The following RIC8B variants were observed in gnomAD, a reference collection of about 807,000 sequenced individuals.
RIC8B encodes RIC8 guanine nucleotide exchange factor B.
In RIC8B, 16 loss-of-function variants were observed where a neutral mutation model predicts 57.5. The observed-to-expected ratio is 0.28, with a 90% confidence interval of 0.19 to 0.42. The LOEUF is 0.42. RIC8B is among the 10% of genes least tolerant of loss of function. RIC8B has a pLI of 1.00. For synonymous variants in RIC8B, 216 were observed against 250.8 expected (o/e 0.86, Z 1.31); for missense variants, 481 against 677.0 (o/e 0.71, Z 3.21).
chr12:106,802,729 T>A (rs2044793529), intron 2 of RIC8B, among the ~76,000 whole-genome samples: 1 of 152,040 alleles, frequency 6.6e-6, no homozygotes, highest in Admixed American at 6.6e-5. Context: ...TAAAAGAGAG[T>A]AGGACTGAGT....
At chr12:106,826,646 C>T (rs938138206) in intron 4 of RIC8B, among the ~76,000 whole-genome samples, 4 of 152,142 alleles carry the variant, frequency 2.6e-5, no homozygotes, top group Non-Finnish European at 5.9e-5. Context: ...ATCCTAGCTA[C>T]TCGGGAAGCC....
At chr12:106,846,487 C>T (rs780697770) in intron 6 of RIC8B, among the ~76,000 whole-genome samples, 1 of 152,044 alleles carries the variant, frequency 6.6e-6, no homozygotes, top group South Asian at 2.1e-4. Flanking sequence ...GAGGAATTTA[C>T]AGTCTGTTGA....
At chr12:106,874,385 C>G in intron 9 of RIC8B, 1 of 924,932 alleles carries the variant, frequency 1.1e-6, no homozygotes, top group East Asian at 2.6e-5. Flanking sequence ...TGGTTTTCTC[C>G]TGCACCTGAA....
intron 4 of RIC8B, among the ~76,000 whole-genome samples, chr12:106,831,098 A>G (rs896049680): frequency 2.2e-4 from 33 of 151,974 alleles, no homozygotes; most frequent in Admixed American, 6.6e-4. Flanking sequence ...CTCTATTCTA[A>G]AACATTTGTT....
At chr12:106,781,857 C>T (rs1457855867) in intron 1 of RIC8B, among the ~76,000 whole-genome samples, 4 of 152,094 alleles carry the variant, frequency 2.6e-5, no homozygotes, top group South Asian at 2.1e-4. Flanking sequence ...TTTCTTAGTG[C>T]GATTATTTTC....
chr12:106,774,980 C>A (rs2043383567), intron 1 of RIC8B, 151 bp downstream of exon 1: 1 of 627,164 alleles, frequency 1.6e-6, no homozygotes, highest in Non-Finnish European at 2.8e-6. Context: ...TGTTTGTGCC[C>A]CCAGCCTTTT....
At chr12:106,794,206 T>G (rs1187247464) in intron 2 of RIC8B, among the ~76,000 whole-genome samples, 2 of 152,084 alleles carry the variant, frequency 1.3e-5, no homozygotes, top group East Asian at 3.9e-4. Flanking sequence ...AGATTTGAAC[T>G]GGCAGAAGAA....
intron 4 of RIC8B, among the ~76,000 whole-genome samples, chr12:106,826,519 C>G (rs749917453): frequency 4.0e-5 from 6 of 151,818 alleles, no homozygotes; most frequent in Non-Finnish European, 7.4e-5. Flanking sequence ...TTTGGGAGTC[C>G]AAGGCCGGTG....
intron 9 of RIC8B, chr12:106,873,045 T>C (rs1402376116): frequency 4.1e-6 from 4 of 985,282 alleles, no homozygotes; most frequent in Non-Finnish European, 3.6e-6. Flanking sequence ...AATCCACATA[T>C]TCTAGAAGCT....
chr12:106,836,607 G>A (rs145701251), intron 4 of RIC8B, among the ~76,000 whole-genome samples: 126 of 152,176 alleles, frequency 8.3e-4, no homozygotes, highest in African/African-American at 3.0e-3. Flanking sequence ...ATTATGTATC[G>A]AATGAACCAC....
At chr12:106,849,112 C>T (rs1443228902) in intron 6 of RIC8B, among the ~76,000 whole-genome samples, 3 of 151,878 alleles carry the variant, frequency 2.0e-5, no homozygotes, top group East Asian at 3.9e-4. Context: ...TTAAAAACAG[C>T]TAAAAGAGTG....
chr12:106,885,883 CTCTT>C lies in RIC8B; in HGVS notation c.1572-19_1572-16del, dbSNP rs1292292805. The C allele has an allele frequency of 2.0e-6, 3 of 1,513,112 alleles. No homozygotes were observed. The highest frequency in any genetic ancestry group is 2.8e-6 in the Non-Finnish European group (3 of 1,090,294). 93.7% of individuals were successfully genotyped at this position (1,513,112 alleles called of 1,614,324 possible). ...TGCTGGTGAATACTTTTTTTTCTCTCTCTTTTATCTCTTTTTCTAGAGAGGAGTT... is the reference window on the plus strand; with the variant it reads ...TGCTGGTGAATACTTTTTTTTCTCTCTTATCTCTTTTTCTAGAGAGGAGTT... On this transcript the variant is annotated splice_polypyrimidine_tract_variant and intron_variant, in intron 9 of 9. Coordinates refer to ENST00000392837, the MANE Select transcript of RIC8B (RefSeq NM_001330145.2).
intron 2 of RIC8B, chr12:106,797,901 G>C (rs111753314): frequency 3.6e-6 from 2 of 563,028 alleles, no homozygotes; most frequent in Non-Finnish European, 6.4e-6. Flanking sequence ...GTGCTACACC[G>C]TACTGCCGCT....
At position 106,842,774 on chromosome 12, in the gene RIC8B, C is replaced by T; in HGVS notation, c.1022C>T (p.Ala341Val). Residue 341 changes from alanine to valine, a missense_variant, in exon 5 of 10, where the codon GCC becomes GTC. Coordinates refer to ENST00000392837, the MANE Select transcript of RIC8B (RefSeq NM_001330145.2). ...GTATACAATGGTATGAATATGGAGG[C>T]CATTCATGTTTTACTGAATTTTATG... ...TMVYNGMNME[A>V]IHVLLNFMEK... The T allele has an allele frequency of 6.2e-7, 1 of 1,612,922 alleles. No individual in the cohort carries two copies.
rs201813681 is a variant in RIC8B at position 106,774,978 on chromosome 12, C to G, written c.84+149C>G. 3.5e-5 allele frequency: 22 copies of G among 627,842 alleles called. No individual in the cohort carries two copies. The East Asian group carries it at 6.2e-4, about 18-fold the overall frequency. 38.9% of individuals were successfully genotyped at this position (627,842 alleles called of 1,614,324 possible). On this transcript the variant is annotated intron_variant, in intron 1 of 9. Coordinates refer to ENST00000392837, the MANE Select transcript of RIC8B (RefSeq NM_001330145.2). Reference sequence around the variant, plus strand: ...TCCGGCTTGGGCATGCGTGTTTGTGCCCCCAGCCTTTTCCATCCATGCATC... The same window carrying G: ...TCCGGCTTGGGCATGCGTGTTTGTGGCCCCAGCCTTTTCCATCCATGCATC...
chr12:106,785,785 G>GTCTCTCTCTCTCTC (rs370138594), intron 2 of RIC8B, among the ~76,000 whole-genome samples: 3,536 of 101,566 alleles, frequency 0.035, 59 homozygotes, highest in Admixed American at 0.051. Context: ...TGTATTCTAT[G>GTCTCTCTCTCTCTC]TCTCTCTCTC....
intron 2 of RIC8B, among the ~76,000 whole-genome samples, chr12:106,801,834 G>T (rs2044745922): frequency 6.6e-6 from 1 of 152,162 alleles, no homozygotes; most frequent in Non-Finnish European, 1.5e-5. Context: ...TGACAACATT[G>T]TCCCAACTAC....
At chr12:106,848,352 C>T (rs759708160) in intron 6 of RIC8B, among the ~76,000 whole-genome samples, 9 of 152,212 alleles carry the variant, frequency 5.9e-5, no homozygotes, top group East Asian at 1.9e-4. Context: ...GAATCCTGTA[C>T]GGAAGTTGTA....
intron 9 of RIC8B, chr12:106,871,482 AAAAAAAAAAAAAAAAACC>A (rs1411461740): frequency 2.8e-5 from 4 of 140,672 alleles, no homozygotes; most frequent in Non-Finnish European, 4.6e-5. Flanking sequence ...AAAAAAAAAA[AAAAAAAAAAAAAAAAACC>A]AAAAAACTCC....
Sources: allele counts gnomAD v4.1 joint callset (sites outside exome capture counted in the v4.1 genomes callset), GRCh38; gene constraint gnomAD v4.1.1; transcripts MANE v1.5; gene names NCBI Gene and HGNC (gene_info 2026-07-23, HGNC 2026-07-21).